The following GPHN variants were observed in gnomAD, a reference collection of about 807,000 sequenced individuals.
The protein encoded by GPHN is gephyrin.
In GPHN, 17 loss-of-function variants were observed where a neutral mutation model predicts 95.5. That is an observed-to-expected ratio of 0.18 (90% CI 0.12 to 0.27). The LOEUF is 0.27. Among genes scored for constraint, GPHN ranks in the 10% least tolerant of loss-of-function variants. The probability of loss-of-function intolerance (pLI) is 1.00; values close to 1 mark genes in which losing one functional copy is unlikely to be tolerated. For missense variants in GPHN, 660 were observed against 978.1 expected (o/e 0.67, Z 4.34); for synonymous variants, 320 against 322.5 (o/e 0.99, Z 0.08).
At chr14:67,463,634 G>A in the GPHN span, among the ~76,000 whole-genome samples, 670 of 90,766 alleles carry the variant, frequency 7.4e-3, 6 homozygotes, top group African/African-American at 0.033. Flanking sequence ...GTGAGACTCC[G>A]TCTCAAAAAA....
the GPHN span, chr14:67,659,592 G>C: frequency 1.2e-6 from 1 of 863,258 alleles, no homozygotes; most frequent in Non-Finnish European, 1.7e-6. Context: ...ACTGGATGCA[G>C]AAAAGAGGAT....
At chr14:67,454,748 C>G in the GPHN span, 1 of 152,198 alleles carries the variant, frequency 6.6e-6, no homozygotes, top group Non-Finnish European at 1.5e-5. Context: ...GGGAAATACC[C>G]TGGGTCCCAT....
intron 2 of GPHN, among the ~76,000 whole-genome samples, chr14:66,721,843 C>T (rs1485341980): frequency 6.7e-6 from 1 of 149,144 alleles, no homozygotes; most frequent in African/African-American, 2.5e-5. Flanking sequence ...CCCAGCTACT[C>T]GGGAGGCTGA....
chr14:67,469,739 C>A, the GPHN span, among the ~76,000 whole-genome samples: 2 of 152,320 alleles, frequency 1.3e-5, no homozygotes, highest in Middle Eastern at 3.4e-3. Context: ...TCCAAATGCA[C>A]TTCTCCAACA....
intron 1 of GPHN, among the ~76,000 whole-genome samples, chr14:66,617,521 A>G (rs572760758): frequency 6.6e-6 from 1 of 152,176 alleles, no homozygotes; most frequent in East Asian, 1.9e-4. Flanking sequence ...CTTCCTCTTC[A>G]TGGACCACAC....
At chr14:66,970,968 T>C (rs1355649751) in intron 9 of GPHN, among the ~76,000 whole-genome samples, 1 of 152,208 alleles carries the variant, frequency 6.6e-6, no homozygotes, top group Non-Finnish European at 1.5e-5. Flanking sequence ...GACCCCTTCA[T>C]GCTTTTAACA....
chr14:66,628,789 G>A (rs2063618646), intron 1 of GPHN, among the ~76,000 whole-genome samples: 1 of 151,890 alleles, frequency 6.6e-6, no homozygotes, highest in Non-Finnish European at 1.5e-5. Flanking sequence ...TGGCAGGCAT[G>A]TGGCTCACAG....
chr14:67,531,635 C>T, the GPHN span, among the ~76,000 whole-genome samples: 76,715 of 150,940 alleles, frequency 0.51, 19,874 homozygotes, highest in Non-Finnish European at 0.55. Flanking sequence ...AGTTCTGGGC[C>T]GAGGTGCGGT....
At chr14:67,047,223 C>T (rs2075062893) in intron 10 of GPHN, among the ~76,000 whole-genome samples, 1 of 151,850 alleles carries the variant, frequency 6.6e-6, no homozygotes, top group Non-Finnish European at 1.5e-5. Context: ...TCTTGAGGTT[C>T]TGAATTTAAT....
At chr14:67,040,444 C>T (rs1295154247) in intron 10 of GPHN, among the ~76,000 whole-genome samples, 1 of 152,064 alleles carries the variant, frequency 6.6e-6, no homozygotes, top group Non-Finnish European at 1.5e-5. Context: ...AACCACAGTA[C>T]AATTATGAAA....
chr14:66,556,545 G>A (rs1352029416), intron 1 of GPHN, among the ~76,000 whole-genome samples: 4 of 152,094 alleles, frequency 2.6e-5, no homozygotes, highest in Non-Finnish European at 4.4e-5. Flanking sequence ...AAATAATCCT[G>A]CTAGATATTT....
the GPHN span, chr14:67,647,179 CAT>C: frequency 1.8e-6 from 1 of 544,284 alleles, no homozygotes; most frequent in East Asian, 3.0e-5. Flanking sequence ...AAACACAGGT[CAT>C]ATTCTTCCTC....
At chr14:67,648,197 A>C in the GPHN span, 2 of 1,608,696 alleles carry the variant, frequency 1.2e-6, no homozygotes, top group Non-Finnish European at 1.7e-6. Context: ...TGTAGCAACC[A>C]GGTCTGCAGC....
intron 1 of GPHN, among the ~76,000 whole-genome samples, chr14:66,556,456 C>T (rs2060011031): frequency 6.6e-6 from 1 of 152,138 alleles, no homozygotes; most frequent in Non-Finnish European, 1.5e-5. Context: ...AGGGAAACAA[C>T]TTCTGTACTC....
At chr14:66,536,811 T>A (rs1030163820) in intron 1 of GPHN, among the ~76,000 whole-genome samples, 1 of 152,226 alleles carries the variant, frequency 6.6e-6, no homozygotes, top group Admixed American at 6.5e-5. Context: ...AATGACTGAT[T>A]TCTTTTTTCC....
the GPHN span, among the ~76,000 whole-genome samples, chr14:67,536,474 T>C: frequency 1.3e-5 from 2 of 151,790 alleles, no homozygotes; most frequent in African/African-American, 4.9e-5. Context: ...TGAGGCAATA[T>C]GAGAGAGCCC....
the GPHN span, among the ~76,000 whole-genome samples, chr14:67,631,484 G>A: frequency 7.4e-6 from 1 of 135,174 alleles, no homozygotes; most frequent in Non-Finnish European, 1.5e-5. Context: ...CATCCAGGCT[G>A]GAGTACAGTG....
the GPHN span, chr14:67,652,353 C>A: frequency 6.1e-6 from 1 of 164,658 alleles, no homozygotes; most frequent in Non-Finnish European, 1.4e-5. Flanking sequence ...CAAGTCACTG[C>A]TGTGATGACT....
At chr14:67,050,929 C>T (rs1035333442) in intron 10 of GPHN, among the ~76,000 whole-genome samples, 6 of 152,198 alleles carry the variant, frequency 3.9e-5, no homozygotes, top group African/African-American at 1.2e-4. Flanking sequence ...TGTGCTACCC[C>T]GCCTGGGGAA....
Sources: gnomAD v4.1 joint callset for allele counts (sites outside exome capture counted in the v4.1 genomes callset) on GRCh38, gnomAD v4.1.1 for gene constraint, MANE v1.5 for transcripts, NCBI Gene and HGNC (gene_info 2026-07-23, HGNC 2026-07-21) for gene names.